PRDM16: variants seen among roughly 807,000 people sequenced by gnomAD.
PRDM16 encodes the protein PR/SET domain 16.
PRDM16 carries 23 observed loss-of-function variants against 110.6 expected under a neutral mutation model. That is an observed-to-expected ratio of 0.21 (90% CI 0.15 to 0.29). The LOEUF (loss-of-function observed/expected upper bound fraction) is 0.29, where lower values mean the gene tolerates loss of function less well. Among genes scored for constraint, PRDM16 ranks in the 10% least tolerant of loss-of-function variants. PRDM16 has a pLI of 1.00. For synonymous variants in PRDM16, 799 were observed against 781.8 expected (o/e 1.02, Z -0.37); for missense variants, 1,615 against 1,794.3 (o/e 0.90, Z 1.81).
intron 1 of PRDM16, among the ~76,000 whole-genome samples, chr1:3,083,711 A>G (rs1183385354): frequency 6.6e-6 from 1 of 152,116 alleles, no homozygotes; most frequent in Non-Finnish European, 1.5e-5. Flanking sequence ...GTTGTTTATC[A>G]GAGGGGCAGT....
intron 2 of PRDM16, among the ~76,000 whole-genome samples, chr1:3,199,666 G>T (rs760779749): frequency 6.6e-6 from 1 of 152,198 alleles, no homozygotes; most frequent in Non-Finnish European, 1.5e-5. Flanking sequence ...GGCCTCTGAT[G>T]AGCCTCTCTA....
intron 2 of PRDM16, among the ~76,000 whole-genome samples, chr1:3,204,338 A>G (rs1387556479): frequency 6.6e-6 from 1 of 152,144 alleles, no homozygotes; most frequent in African/African-American, 2.4e-5. Context: ...CAGGGCTCCT[A>G]CAACTTTCAG....
intron 1 of PRDM16, among the ~76,000 whole-genome samples, chr1:3,110,425 A>G (rs1267595998): frequency 7.6e-6 from 1 of 131,740 alleles, no homozygotes; most frequent in Non-Finnish European, 1.6e-5. Context: ...AGGCTCCCCC[A>G]TGTCCTGGGT....
intron 3 of PRDM16, among the ~76,000 whole-genome samples, chr1:3,281,356 C>G (rs1216614992): frequency 6.6e-6 from 1 of 152,192 alleles, no homozygotes; most frequent in Non-Finnish European, 1.5e-5. Context: ...AGACGCCCAC[C>G]CCAGCCATGG....
chr1:3,282,496 A>G (rs1200857821), intron 3 of PRDM16, among the ~76,000 whole-genome samples: 1 of 152,186 alleles, frequency 6.6e-6, no homozygotes, highest in Non-Finnish European at 1.5e-5. Context: ...GCTCTGTCCC[A>G]GCGGGCACTT....
intron 3 of PRDM16, among the ~76,000 whole-genome samples, chr1:3,288,097 G>A (rs369515070): frequency 1.2e-4 from 19 of 152,346 alleles, no homozygotes; most frequent in Non-Finnish European, 2.1e-4. Flanking sequence ...CTAGCTGCCC[G>A]GCCATAGGAG....
At chr1:3,396,241 A>C (rs2100629793) in intron 4 of PRDM16, 3 of 549,614 alleles carry the variant, frequency 5.5e-6, no homozygotes, top group South Asian at 4.6e-5. Context: ...TTTCATGTGG[A>C]TCCTACCTGT....
intron 3 of PRDM16, among the ~76,000 whole-genome samples, chr1:3,263,332 C>T (rs1245963259): frequency 6.6e-6 from 1 of 152,192 alleles, no homozygotes; most frequent in Non-Finnish European, 1.5e-5. Context: ...GAGGGGTAGA[C>T]CAGAATTCTG....
At position 3,279,875 on chromosome 1, in the gene PRDM16, ACC is replaced by A. The variant is rs113038833; in HGVS notation, c.438+35745_438+35746del. Among the ~76,000 whole-genome samples the A allele has an allele frequency of 9.8e-5, 13 of 133,126 alleles. No homozygotes were observed. In the East Asian group the frequency reaches 2.4e-3, roughly 25 times the overall value. 87.3% of individuals were successfully genotyped at this position (133,126 alleles called of 152,430 possible). ...GAGTGGACAGGCGGCCCCTCCTCCC[ACC>A]CCCCCCGGGCACCCACCACCAATGT... On this transcript the variant is annotated intron_variant, in intron 3 of 16. Transcript: ENST00000270722.
intron 1 of PRDM16, among the ~76,000 whole-genome samples, chr1:3,091,034 C>G (rs1019892038): frequency 2.0e-5 from 3 of 152,248 alleles, no homozygotes; most frequent in African/African-American, 7.2e-5. Context: ...CCGGAGACCT[C>G]AGCCGCAAAC....
chr1:3,215,156 G>A (rs531920025), intron 2 of PRDM16, among the ~76,000 whole-genome samples: 1 of 152,338 alleles, frequency 6.6e-6, no homozygotes, highest in East Asian at 1.9e-4. Flanking sequence ...AGCCTGGGTT[G>A]AGGATTCTAT....
intron 2 of PRDM16, among the ~76,000 whole-genome samples, chr1:3,226,835 C>T (rs557210080): frequency 2.6e-5 from 4 of 152,254 alleles, no homozygotes; most frequent in Admixed American, 2.0e-4. Context: ...GGCTAATCTC[C>T]GAGCACTTCT....
intron 12 of PRDM16, among the ~76,000 whole-genome samples, chr1:3,423,996 G>A (rs749609907): frequency 6.6e-6 from 1 of 152,126 alleles, no homozygotes; most frequent in African/African-American, 2.4e-5. Context: ...ACACAGGCAT[G>A]GCACACACGC....
At chr1:3,174,484 G>C (rs558007644) in intron 1 of PRDM16, among the ~76,000 whole-genome samples, 88 of 152,282 alleles carry the variant, frequency 5.8e-4, no homozygotes, top group African/African-American at 2.0e-3. Flanking sequence ...GAAGGGCAGG[G>C]TCTGTGCTTG....
rs1036983251 is a variant in PRDM16, at chr1:3,433,902, C to A, written c.*91C>A. 7.7e-7 allele frequency: 1 copy of A among 1,306,340 alleles called. No individual in the cohort carries two copies. The highest frequency in any genetic ancestry group is 2.4e-5 in the East Asian group (1 of 41,632). 80.9% of individuals were successfully genotyped at this position (1,306,340 alleles called of 1,614,324 possible). A position where few individuals can be genotyped will look rare whatever the true frequency, so the allele number is the denominator to read the frequency against. ...GGGGCCCCGGAGAACCCTGTCCCTGCGTGTGGCCACTCCTCAGCATCCTCC... is the reference window on the plus strand; with the variant it reads ...GGGGCCCCGGAGAACCCTGTCCCTGAGTGTGGCCACTCCTCAGCATCCTCC... On this transcript the variant is annotated 3_prime_UTR_variant, in exon 17 of 17. Transcript: ENST00000270722.
At chr1:3,181,488 A>ACGGTCTTACACATG (rs1644183510) in intron 1 of PRDM16, among the ~76,000 whole-genome samples, 1 of 12,020 alleles carries the variant, frequency 8.3e-5, no homozygotes, top group Non-Finnish European at 3.2e-4. Context: ...TCTTACACAC[A>ACGGTCTTACACATG]GCCTTACGCA....
chr1:3,110,546 G>A (rs1048356973), intron 1 of PRDM16, among the ~76,000 whole-genome samples: 1 of 151,992 alleles, frequency 6.6e-6, no homozygotes, highest in Non-Finnish European at 1.5e-5. Flanking sequence ...GCTCCCCCAT[G>A]TCCTGGGTGT....
chr1:3,140,516 C>T (rs1412504847), intron 1 of PRDM16, among the ~76,000 whole-genome samples: 1 of 152,200 alleles, frequency 6.6e-6, no homozygotes, highest in Admixed American at 6.5e-5. Context: ...GGTTTCCACT[C>T]CCTCGCTGAT....
chr1:3,432,268 T>C, intron 16 of PRDM16, 128 bp downstream of exon 16: 1 of 734,424 alleles, frequency 1.4e-6, no homozygotes, highest in East Asian at 2.6e-5. Flanking sequence ...GCCCCCACGC[T>C]GCATCCTCCA....
Sources: allele counts gnomAD v4.1 joint callset (sites outside exome capture counted in the v4.1 genomes callset), GRCh38; gene constraint gnomAD v4.1.1; transcripts MANE v1.5; gene names NCBI Gene and HGNC (gene_info 2026-07-23, HGNC 2026-07-21).